The following CYP2B6 variants were observed in gnomAD, a reference collection of about 807,000 sequenced individuals.
CYP2B6 encodes the protein cytochrome P450 2B6.
A neutral mutation model predicts 43.4 loss-of-function variants in CYP2B6; 35 were observed. The observed-to-expected ratio is 0.81, with a 90% CI of 0.62 to 1.07. The LOEUF is 1.07. Among genes scored for constraint, CYP2B6 ranks in the 50% least tolerant of loss-of-function variants. The pLI, the probability that CYP2B6 is intolerant of heterozygous loss-of-function variation, is 0.00. For missense variants in CYP2B6, 624 were observed against 632.8 expected, an observed-to-expected ratio of 0.99 and a Z score of 0.15; for synonymous variants, 239 against 239.2, an observed-to-expected ratio of 1.00 and a Z score of 0.01.
chr19:41,006,869 T>C (rs770159979), intron 3 of CYP2B6, 36 bp from the exon 4 acceptor site: 2 of 1,604,154 alleles, frequency 1.2e-6, no homozygotes, highest in Non-Finnish European at 1.7e-6. Context: ...CCCCAGGCAC[T>C]TCAGTCTGTG....
chr19:40,997,023 TTCAC>T (rs1969008198), intron 1 of CYP2B6, among the ~76,000 whole-genome samples: 1 of 151,988 alleles, frequency 6.6e-6, no homozygotes, highest in African/African-American at 2.4e-5. Context: ...GGTATAGAAT[TTCAC>T]TCTTCTCTGC....
chr19:40,997,912 C>A (rs537753969), intron 1 of CYP2B6, among the ~76,000 whole-genome samples: 1 of 152,126 alleles, frequency 6.6e-6, no homozygotes, highest in African/African-American at 2.4e-5. Context: ...CCAGCCTGGG[C>A]AACCAAACAA....
intron 8 of CYP2B6, among the ~76,000 whole-genome samples, chr19:41,014,364 G>A (rs1969329116): frequency 6.6e-6 from 1 of 151,396 alleles, no homozygotes; most frequent in Non-Finnish European, 1.5e-5. Flanking sequence ...GGAGTGCAGT[G>A]TCACGATCAC....
intron 8 of CYP2B6, 141 bp from the exon 9 acceptor site, chr19:41,016,505 A>C: frequency 1.3e-6 from 1 of 791,268 alleles, no homozygotes. Context: ...GCTTCCTAAA[A>C]GTCCACCCTG....
At chr19:41,011,757 G>A (rs528007856) in intron 6 of CYP2B6, among the ~76,000 whole-genome samples, 2 of 152,144 alleles carry the variant, frequency 1.3e-5, no homozygotes, top group East Asian at 3.9e-4. Flanking sequence ...GTGTGTGTGT[G>A]TACCTGGGCA....
chr19:40,993,928 G>A (rs757070422), intron 1 of CYP2B6, among the ~76,000 whole-genome samples: 2 of 152,062 alleles, frequency 1.3e-5, no homozygotes, highest in African/African-American at 4.8e-5. Flanking sequence ...TCCATTAAGC[G>A]TTTTTGTTGC....
intron 6 of CYP2B6, among the ~76,000 whole-genome samples, chr19:41,010,941 A>T (rs78633574): frequency 1.3e-3 from 201 of 152,172 alleles, no homozygotes; most frequent in African/African-American, 4.7e-3. Context: ...TCCACTTATC[A>T]TTTCATCTAT....
intron 3 of CYP2B6, among the ~76,000 whole-genome samples, chr19:41,006,066 A>G (rs1047166341): frequency 2.6e-4 from 39 of 152,128 alleles, no homozygotes; most frequent in Admixed American, 2.2e-3. Flanking sequence ...CTTAACAAGT[A>G]CAGAATAATT....
Position 41,017,084 on chromosome 19 carries a change from C to G in CYP2B6, c.*257C>G. On this transcript the variant is annotated 3_prime_UTR_variant, in exon 9 of 9. Transcript: ENST00000324071. ...TTGAGACAGAGTCTCACACTGTTGC[C>G]CAGGCTGGAGTGCAGTGGCGTGATC... 3.6e-6 allele frequency: 1 copy of G among 274,068 alleles called. No homozygotes were observed. Among genetic ancestry groups the G allele is most frequent in the Non-Finnish European group, 7.1e-6 (1 of 141,672 alleles). The allele number at this position is 274,068 out of a possible 1,614,324, so 17.0% of individuals were successfully genotyped here.
intron 1 of CYP2B6, among the ~76,000 whole-genome samples, chr19:40,994,996 T>G (rs1968980186): frequency 6.6e-6 from 1 of 152,122 alleles, no homozygotes; most frequent in South Asian, 2.1e-4. Context: ...TTCCTGATTT[T>G]GGGGCGTTGG....
chr19:41,007,270 G>T lies in CYP2B6; in HGVS notation c.645+205G>T, dbSNP rs188353156. On this transcript the variant is annotated intron_variant, in intron 4 of 8. Transcript: ENST00000324071. ...GAGACACTGAGAGAGAGAATGAGGC[G>T]TGATGGGGAGGCAGAAATAGAGTCA... 19 of 586,948 alleles carry T rather than the reference G, an allele frequency of 3.2e-5. No individual in the cohort carries two copies. In the Middle Eastern group the frequency reaches 7.9e-4, roughly 24 times the overall value. 36.4% of individuals were successfully genotyped at this position (586,948 alleles called of 1,614,324 possible).
chr19:40,991,513 C>T (rs747840165), intron 1 of CYP2B6, 37 bp downstream of exon 1: 7 of 1,609,078 alleles, frequency 4.4e-6, no homozygotes, highest in African/African-American at 2.7e-5. Context: ...GGGTGAGCTG[C>T]TTCTTGCCTT....
intron 6 of CYP2B6, among the ~76,000 whole-genome samples, chr19:41,010,438 G>C (rs905963469): frequency 1.1e-4 from 17 of 148,648 alleles, no homozygotes; most frequent in Admixed American, 6.7e-5. Flanking sequence ...TTTTGAGACA[G>C]AGTCTCGCTC....
chr19:41,002,142 C>A (rs1237112831), intron 1 of CYP2B6, among the ~76,000 whole-genome samples: 1 of 152,096 alleles, frequency 6.6e-6, no homozygotes, highest in African/African-American at 2.4e-5. Flanking sequence ...ATCTTATTCT[C>A]AGCAAAGTGG....
At chr19:40,991,850 G>A (rs1416402073) in intron 1 of CYP2B6, among the ~76,000 whole-genome samples, 1 of 152,030 alleles carries the variant, frequency 6.6e-6, no homozygotes, top group African/African-American at 2.4e-5. Flanking sequence ...TTTGCAGCCT[G>A]TGTGGACTGA....
At chr19:41,004,856 G>A (rs532679727) in intron 3 of CYP2B6, among the ~76,000 whole-genome samples, 1 of 152,040 alleles carries the variant, frequency 6.6e-6, no homozygotes, top group South Asian at 2.1e-4. Context: ...GCCACGCATG[G>A]TGGTGTGTGC....
At chr19:41,007,241 G>T in intron 4 of CYP2B6, 176 bp downstream of exon 4, 1 of 650,674 alleles carries the variant, frequency 1.5e-6, no homozygotes, top group South Asian at 1.8e-5. Flanking sequence ...GTGAGACAGG[G>T]ATAGAGACAC....
rs530940905 is a variant in CYP2B6, at chr19:41,009,851, T to G, written c.823-143T>G. On this transcript the variant is annotated intron_variant, in intron 5 of 8. Transcript: ENST00000324071. ...TGAGTTAGAGATACGCGGTTGGATG[T>G]GTAGAGGACAGAGAAAAGCAAACTG... 328 of 826,662 alleles carry G rather than the reference T, an allele frequency of 4.0e-4. No homozygotes were observed. The African/African-American group carries it at 4.6e-3, about 12-fold the overall frequency. The allele number at this position is 826,662 out of a possible 1,614,324, so 51.2% of individuals were successfully genotyped here.
At chr19:41,007,885 T>C (rs1343020794) in intron 4 of CYP2B6, among the ~76,000 whole-genome samples, 190 of 152,102 alleles carry the variant, frequency 1.2e-3, no homozygotes, top group African/African-American at 4.4e-3. Context: ...CTCAGACTCC[T>C]AAAGTGCTGG....
Sources: allele counts gnomAD v4.1 joint callset (sites outside exome capture counted in the v4.1 genomes callset), GRCh38; gene constraint gnomAD v4.1.1; transcripts MANE v1.5; gene names NCBI Gene and HGNC (gene_info 2026-07-23, HGNC 2026-07-21).